The following HMCES variants were observed in gnomAD, a reference collection of about 807,000 sequenced individuals.
HMCES encodes abasic site processing protein HMCES.
Under a neutral mutation model 35.1 loss-of-function variants are expected in HMCES, and 27 were observed. The ratio of observed to expected loss-of-function variants is 0.77; its 90% CI spans 0.57 to 1.06. HMCES has a LOEUF of 1.06. Ranked by LOEUF, HMCES falls within the 50% of genes least tolerant of loss-of-function variation. HMCES has a pLI of 0.00. For synonymous variants in HMCES, 130 were observed against 154.7 expected (o/e 0.84, Z 1.18); for missense variants, 391 against 430.4 (o/e 0.91, Z 0.81).
chr3:129,298,287 G>C, intron 4 of HMCES, 67 bp from the exon 5 acceptor site: 1 of 1,409,342 alleles, frequency 7.1e-7, no homozygotes. Context: ...GTCTGAAGTA[G>C]TACCTAACCT....
Position 129,305,260 on chromosome 3 carries a change from T to G in HMCES, c.*435T>G, listed in dbSNP as rs1021998942. ...TAAAATAAAAATAAGTTCTTAAAAT[T>G]TATTTTTTTCCTGAATAAATTGTAT... On this transcript the variant is annotated 3_prime_UTR_variant, in exon 7 of 7. Transcript: ENST00000383463. 4.5e-5 allele frequency: 7 copies of G among 155,392 alleles called. No individual in the cohort carries two copies. Among genetic ancestry groups the G allele is most frequent in the African/African-American group, 1.7e-4 (7 of 41,534 alleles). The allele number at this position is 155,392 out of a possible 1,614,324, so 9.6% of individuals were successfully genotyped here. A position where few individuals can be genotyped will look rare whatever the true frequency, so the allele number is the denominator to read the frequency against.
rs757343424 is a variant in HMCES, at chr3:129,304,682, G to A, written c.922G>A (p.Glu308Lys). The A allele has an allele frequency of 1.4e-5, 23 of 1,614,244 alleles. No individual in the cohort carries two copies. The highest frequency in any genetic ancestry group is 1.9e-5 in the Non-Finnish European group (23 of 1,180,050). Residue 308 changes from glutamate to lysine, a missense_variant, in exon 7 of 7, where the codon GAG (glutamate) becomes AAG (lysine). Glu to Lys is a moderately conservative substitution (Grantham distance 56, BLOSUM62 1). Coordinates refer to ENST00000383463, the MANE Select transcript of HMCES (RefSeq NM_020187.3). The stretch of plus-strand genomic sequence containing the variant: ...AGACTCAAAAACACCTCAAAAGGAA[G>A]AGTCAGATGTTCCCCAGTGGTCCAG... ...KEDSKTPQKEESDVPQWSSQF... is the reference protein window; with the variant it reads ...KEDSKTPQKEKSDVPQWSSQF...
chr3:129,287,761 C>T (rs766689172), intron 2 of HMCES, among the ~76,000 whole-genome samples: 1 of 152,112 alleles, frequency 6.6e-6, no homozygotes, highest in African/African-American at 2.4e-5. Flanking sequence ...TCACTTGAGC[C>T]TAAGAGTTCG....
At position 129,290,756 on chromosome 3, in the gene HMCES, C is replaced by A. The variant is rs745391135; in HGVS notation, c.405C>A (p.Asn135Lys). 4.3e-6 allele frequency: 7 copies of A among 1,613,320 alleles called. No individual in the cohort carries two copies. The highest frequency in any genetic ancestry group is 5.1e-6 in the Non-Finnish European group (6 of 1,179,358). Residue 135 changes from asparagine (N) to lysine (K), a missense_variant, in exon 4 of 7, where the codon AAC (asparagine) becomes AAA (lysine). Transcript: ENST00000383463. The part of the protein sequence containing the change: ...FYEWQRCQGT[N>K]QRQPYFIYFP... ...AGTGGCAGCGATGTCAGGGAACAAA[C>A]CAGAGGCAGCCATACTTCATCTATT...
intron 4 of HMCES, among the ~76,000 whole-genome samples, chr3:129,293,009 G>T (rs115232142): frequency 0.013 from 1,910 of 152,260 alleles, 30 homozygotes; most frequent in African/African-American, 0.043. Context: ...AAATTCAGGG[G>T]GAGTTAGTGT....
Position 129,288,881 on chromosome 3 carries a change from G to A in HMCES, c.211G>A (p.Ala71Thr). The A allele has an allele frequency of 6.3e-7, 1 of 1,580,930 alleles. No homozygotes were observed. Among genetic ancestry groups the A allele is most frequent in the Non-Finnish European group, 8.7e-7 (1 of 1,154,434 alleles). Residue 71 changes from alanine to threonine, a missense_variant, in exon 3 of 7, where the codon GCT (alanine) becomes ACT (threonine). Physicochemically the swap from Ala to Thr is moderately conservative, Grantham distance 58. Transcript: ENST00000383463. ...TGCAGACTCATCTGAGCGTATCATTGCTCCCATGCGCTGGGGCTTGGTCCC... is the reference window on the plus strand; with the variant it reads ...TGCAGACTCATCTGAGCGTATCATTACTCCCATGCGCTGGGGCTTGGTCCC... ...KDADSSERII[A>T]PMRWGLVPSW...
chr3:129,301,853 T>G, intron 5 of HMCES, 97 bp from the exon 6 acceptor site: 1 of 975,650 alleles, frequency 1.0e-6, no homozygotes, highest in South Asian at 1.6e-5. Flanking sequence ...AAGCTCCCCT[T>G]GTGATATTTG....
intron 5 of HMCES, among the ~76,000 whole-genome samples, chr3:129,299,989 T>C (rs1213566351): frequency 6.6e-6 from 1 of 151,846 alleles, no homozygotes; most frequent in Non-Finnish European, 1.5e-5. Context: ...TCATCACTGA[T>C]GTGGACTCCT....
chr3:129,302,070 C>G lies in HMCES; in HGVS notation c.756C>G (p.Val252=). 6.2e-7 allele frequency: 1 copy of G among 1,614,200 alleles called. No individual in the cohort carries two copies. Among genetic ancestry groups the G allele is most frequent in the South Asian group, 1.1e-5 (1 of 91,078 alleles). ...CAGAGAACATCACCTTCCATGCAGT[C>G]TCTTCTGTGGTGAACAACTCGCGAA... is the stretch of plus-strand genomic sequence containing the variant. The part of the protein sequence containing the change: ...HPTENITFHA[V]SSVVNNSRNN... The change falls in exon 6 of 7, where the codon GTC becomes GTG. Residue 252 remains valine (V), a synonymous_variant. Transcript: ENST00000383463.
intron 5 of HMCES, among the ~76,000 whole-genome samples, chr3:129,300,802 G>A (rs373648202): frequency 1.9e-4 from 29 of 151,870 alleles, no homozygotes; most frequent in Non-Finnish European, 3.2e-4. Flanking sequence ...AGGCTGAGGC[G>A]GGTGGATCAT....
rs1184262541 is a variant in HMCES at position 129,282,250 on chromosome 3, A to G, written c.183+2335A>G. 2.0e-5 allele frequency among the ~76,000 whole-genome samples: 3 copies of G among 149,912 alleles called. No homozygotes were observed. The East Asian group carries it at 5.9e-4, about 29-fold the overall frequency. Reference sequence around the variant, plus strand: ...TGAGGCCAGAGAATTGCTTCAGGCCAGGATTTCAGGACACCAGCCTGAGCA... The same window carrying G: ...TGAGGCCAGAGAATTGCTTCAGGCCGGGATTTCAGGACACCAGCCTGAGCA... On this transcript the variant is annotated intron_variant, in intron 2 of 6. Coordinates refer to ENST00000383463, the MANE Select transcript of HMCES (RefSeq NM_020187.3).
intron 3 of HMCES, among the ~76,000 whole-genome samples, chr3:129,289,984 G>A (rs992629050): frequency 3.9e-5 from 6 of 151,904 alleles, no homozygotes; most frequent in South Asian, 2.1e-4. Context: ...TCAGGAGATC[G>A]AGACCATCCT....
At chr3:129,301,149 G>A (rs1224801433) in intron 5 of HMCES, among the ~76,000 whole-genome samples, 3 of 133,376 alleles carry the variant, frequency 2.2e-5, no homozygotes, top group African/African-American at 5.9e-5. Context: ...TGGAGATCAC[G>A]CCACTGCACT....
rs775797147 is a variant in HMCES at position 129,298,537 on chromosome 3, C to T, written c.635+2C>T. 6.2e-7 allele frequency: 1 copy of T among 1,612,642 alleles called. No individual in the cohort carries two copies. Among genetic ancestry groups the T allele is most frequent in the African/African-American group, 1.3e-5 (1 of 75,030 alleles). On this transcript the variant is annotated splice_donor_variant, in intron 5 of 6. Transcript: ENST00000383463. LOFTEE classifies it low-confidence loss of function (GC_TO_GT_DONOR). ...AGGCTTGAGTGACATCCACCACAGG[C>T]AAGTCATACTTCTTAGCCCTGGATC...
intron 4 of HMCES, among the ~76,000 whole-genome samples, chr3:129,295,405 C>G (rs2071080302): frequency 6.6e-6 from 1 of 150,850 alleles, no homozygotes; most frequent in South Asian, 2.1e-4. Flanking sequence ...CCACTACACT[C>G]CAGCCTAGGT....
At chr3:129,280,750 A>G (rs2107683783) in intron 2 of HMCES, among the ~76,000 whole-genome samples, 1 of 152,322 alleles carries the variant, frequency 6.6e-6, no homozygotes, top group East Asian at 1.9e-4. Context: ...TTGTGTTTAT[A>G]GTATTTATCC....
In HMCES at chr3:129,279,344, G is replaced by A. The variant is rs528650552; in HGVS notation, c.-23-366G>A. On this transcript the variant is annotated intron_variant, in intron 1 of 6. Transcript: ENST00000383463. This position sits in a 1 kb window ranked among gnomAD's most constrained non-coding sequence, Gnocchi z 4.2. ...TGGGTCGCTGACCCCAGCGGGGACT[G>A]GGGGGAAGGACGGGGAGTTGGGGGC... 120 of 220,598 alleles carry A rather than the reference G, an allele frequency of 5.4e-4. No individual in the cohort carries two copies. Among genetic ancestry groups the A allele is most frequent in the African/African-American group, 2.7e-3 (113 of 42,064 alleles). The allele number at this position is 220,598 out of a possible 1,614,324, so 13.7% of individuals were successfully genotyped here.
At chr3:129,283,826 G>A (rs759555552) in intron 2 of HMCES, among the ~76,000 whole-genome samples, 2 of 152,076 alleles carry the variant, frequency 1.3e-5, no homozygotes, top group African/African-American at 4.8e-5. Flanking sequence ...GCGAAACTCT[G>A]TCTCAAAAAA....
intron 3 of HMCES, among the ~76,000 whole-genome samples, chr3:129,289,408 G>A (rs1413079442): frequency 1.3e-5 from 2 of 152,272 alleles, no homozygotes; most frequent in East Asian, 1.9e-4. Context: ...CTTCTGTTAC[G>A]GTGACTCATT....
Sources: allele counts gnomAD v4.1 joint callset (sites outside exome capture counted in the v4.1 genomes callset), GRCh38; gene constraint gnomAD v4.1.1; non-coding constraint Gnocchi (gnomAD v3.1); transcripts MANE v1.5; gene names NCBI Gene and HGNC (gene_info 2026-07-23, HGNC 2026-07-21).